UNC5C: variants seen among roughly 807,000 people sequenced by gnomAD.
UNC5C encodes the protein netrin receptor UNC5C.
UNC5C carries 47 observed loss-of-function variants against 99.8 expected under a neutral mutation model. The ratio of observed to expected loss-of-function variants is 0.47; its 90% confidence interval spans 0.37 to 0.60. UNC5C has a LOEUF of 0.60. Ranked by LOEUF, UNC5C falls within the 20% of genes least tolerant of loss-of-function variation. The pLI is 0.00. For synonymous variants in UNC5C, 487 were observed against 452.2 expected, an observed-to-expected ratio of 1.08 and a Z score of -0.98; for missense variants, 1,062 against 1,165.9, an observed-to-expected ratio of 0.91 and a Z score of 1.30.
intron 1 of UNC5C, among the ~76,000 whole-genome samples, chr4:95,440,416 C>A (rs1358057100): frequency 2.0e-5 from 3 of 152,148 alleles, no homozygotes. Context: ...TTTCAACCTT[C>A]ATTAACAGCA....
At chr4:95,313,133 A>G (rs1227375478) in intron 2 of UNC5C, among the ~76,000 whole-genome samples, 1 of 152,174 alleles carries the variant, frequency 6.6e-6, no homozygotes, top group Non-Finnish European at 1.5e-5. Context: ...TCAGGAAGAG[A>G]GAATAGCATG....
chr4:95,514,318 C>T (rs1722156322), intron 1 of UNC5C, among the ~76,000 whole-genome samples: 1 of 152,086 alleles, frequency 6.6e-6, no homozygotes, highest in African/African-American at 2.4e-5. Context: ...ATAATCTAGG[C>T]TCCTTAATTA....
At chr4:95,210,239 T>C (rs551703444) in intron 10 of UNC5C, among the ~76,000 whole-genome samples, 76 of 152,088 alleles carry the variant, frequency 5.0e-4, no homozygotes, top group South Asian at 1.2e-3. Flanking sequence ...ATTAACCCAG[T>C]GAGGTGCAAG....
chr4:95,321,528 A>G (rs1227488006), intron 2 of UNC5C, among the ~76,000 whole-genome samples: 1 of 152,194 alleles, frequency 6.6e-6, no homozygotes, highest in East Asian at 1.9e-4. Flanking sequence ...ATTGCAGCTG[A>G]GTTTATGTTG....
intron 1 of UNC5C, among the ~76,000 whole-genome samples, chr4:95,377,905 A>T (rs1365704225): frequency 1.3e-5 from 2 of 152,210 alleles, no homozygotes; most frequent in Non-Finnish European, 2.9e-5. Flanking sequence ...GGTATTCTGA[A>T]GGATTCCTTC....
chr4:95,191,107 G>A (rs1366675459), intron 12 of UNC5C, among the ~76,000 whole-genome samples: 1 of 152,102 alleles, frequency 6.6e-6, no homozygotes, highest in African/African-American at 2.4e-5. Context: ...ATCTCCCCTC[G>A]TTAAGGCTTG....
chr4:95,195,371 G>A lies in UNC5C; in HGVS notation c.2136+7360C>T, dbSNP rs375312434. On this transcript the variant is annotated intron_variant, in intron 12 of 15. Coordinates refer to ENST00000453304, the MANE Select transcript of UNC5C (RefSeq NM_003728.4). Reference sequence around the variant, plus strand: ...GATGCACTAGGAACCTTTAACACACGTTTTGTTGTTGGTCTCTAATTCACA... The same window carrying A: ...GATGCACTAGGAACCTTTAACACACATTTTGTTGTTGGTCTCTAATTCACA... 5.5e-4 allele frequency among the ~76,000 whole-genome samples: 83 copies of A among 152,194 alleles called. 1 individual carries two copies. The South Asian group carries it at 0.015, about 28-fold the overall frequency.
At chr4:95,312,271 G>T (rs1389165506) in intron 2 of UNC5C, among the ~76,000 whole-genome samples, 1 of 152,098 alleles carries the variant, frequency 6.6e-6, no homozygotes, top group Non-Finnish European at 1.5e-5. Flanking sequence ...TAAGACTAGA[G>T]ATAAAATAGT....
intron 11 of UNC5C, among the ~76,000 whole-genome samples, chr4:95,205,904 A>C (rs1737858141): frequency 6.6e-6 from 1 of 152,040 alleles, no homozygotes; most frequent in African/African-American, 2.4e-5. Context: ...GTTCACAAGA[A>C]CTGTATCCCA....
intron 1 of UNC5C, among the ~76,000 whole-genome samples, chr4:95,407,246 TA>T (rs1745856054): frequency 6.6e-6 from 1 of 152,088 alleles, no homozygotes; most frequent in African/African-American, 2.4e-5. Context: ...ATGAAGAGAA[TA>T]AAGGTGTTTT....
At chr4:95,481,270 G>C (rs1394191199) in intron 1 of UNC5C, among the ~76,000 whole-genome samples, 2 of 152,080 alleles carry the variant, frequency 1.3e-5, no homozygotes, top group Non-Finnish European at 1.5e-5. Flanking sequence ...TTGCTTCAAA[G>C]AGAATAAAAT....
intron 1 of UNC5C, among the ~76,000 whole-genome samples, chr4:95,473,285 A>T (rs1748030799): frequency 6.6e-6 from 1 of 152,160 alleles, no homozygotes; most frequent in Admixed American, 6.6e-5. Flanking sequence ...AACCAAAGAT[A>T]CAATAGCTTA....
At chr4:95,276,975 A>G (rs1182433034) in intron 4 of UNC5C, among the ~76,000 whole-genome samples, 2 of 152,288 alleles carry the variant, frequency 1.3e-5, no homozygotes, top group South Asian at 2.1e-4. Flanking sequence ...TAAATTTTCA[A>G]TTAATTATTA....
At chr4:95,242,194 C>T (rs1350834912) in intron 7 of UNC5C, among the ~76,000 whole-genome samples, 1 of 152,172 alleles carries the variant, frequency 6.6e-6, no homozygotes, top group East Asian at 1.9e-4. Context: ...AGAATCAACC[C>T]TTGCTCATGA....
intron 1 of UNC5C, among the ~76,000 whole-genome samples, chr4:95,499,347 C>T (rs1368464281): frequency 2.0e-5 from 3 of 152,062 alleles, no homozygotes; most frequent in Admixed American, 6.6e-5. Flanking sequence ...TAATTCTCAC[C>T]GGCTGTGGAG....
intron 1 of UNC5C, among the ~76,000 whole-genome samples, chr4:95,437,415 A>G (rs1746825759): frequency 6.6e-6 from 1 of 151,978 alleles, no homozygotes; most frequent in African/African-American, 2.4e-5. Context: ...TCTACAAATC[A>G]TAGTATCGTA....
At chr4:95,188,234 G>A (rs1560721256) in intron 12 of UNC5C, among the ~76,000 whole-genome samples, 1 of 152,134 alleles carries the variant, frequency 6.6e-6, no homozygotes, top group African/African-American at 2.4e-5. Context: ...CAGCCCAGCA[G>A]TGAAGGATTC....
intron 7 of UNC5C, among the ~76,000 whole-genome samples, chr4:95,239,909 ACT>A (rs1739271030): frequency 6.6e-6 from 1 of 152,120 alleles, no homozygotes; most frequent in Admixed American, 6.5e-5. Flanking sequence ...TATCTAGGTA[ACT>A]CTGAATCCTA....
At chr4:95,329,492 G>T (rs1579329321) in intron 2 of UNC5C, among the ~76,000 whole-genome samples, 1 of 152,032 alleles carries the variant, frequency 6.6e-6, no homozygotes, top group Admixed American at 6.6e-5. Flanking sequence ...CAAAAAGATT[G>T]TATCAATTTA....
Sources: allele counts gnomAD v4.1 joint callset (sites outside exome capture counted in the v4.1 genomes callset), GRCh38; gene constraint gnomAD v4.1.1; transcripts MANE v1.5; gene names NCBI Gene and HGNC (gene_info 2026-07-23, HGNC 2026-07-21).